The following PHLPP1 variants were observed in gnomAD, a reference collection of about 807,000 sequenced individuals.
PHLPP1 encodes the protein PH domain leucine-rich repeat-containing protein phosphatase 1.
A neutral mutation model predicts 117.2 loss-of-function variants in PHLPP1; 42 were observed. The ratio of observed to expected loss-of-function variants is 0.36; its 90% CI spans 0.28 to 0.46. The LOEUF (loss-of-function observed/expected upper bound fraction) is 0.46, where lower values mean the gene tolerates loss of function less well. PHLPP1 is among the 20% of genes least tolerant of loss of function. The pLI, the probability that PHLPP1 is intolerant of heterozygous loss-of-function variation, is 1.00. For missense variants in PHLPP1, 2,084 were observed against 2,241.9 expected (o/e 0.93, Z 1.42); for synonymous variants, 1,042 against 970.7 (o/e 1.07, Z -1.37).
At chr18:62,770,255 C>T (rs933439643) in intron 1 of PHLPP1, among the ~76,000 whole-genome samples, 3 of 152,140 alleles carry the variant, frequency 2.0e-5, no homozygotes, top group African/African-American at 7.2e-5. Flanking sequence ...GGATTACAGG[C>T]ATGCACCACC....
chr18:62,829,951 G>A, intron 1 of PHLPP1, 84 bp from the exon 2 acceptor site: 3 of 886,004 alleles, frequency 3.4e-6, no homozygotes, highest in Non-Finnish European at 5.0e-6. Context: ...TTCCCTTGTT[G>A]TCCAATTCAT....
chr18:62,952,577 A>G lies in PHLPP1; in HGVS notation c.3325-6052A>G, dbSNP rs185163387. On this transcript the variant is annotated intron_variant, in intron 12 of 16. Transcript: ENST00000262719. ...TAAAGGTCTTTCTTTGCAGCTCCCTATAAGGTGAGGAAGTTTAAACATTAA... is the reference window on the plus strand; with the variant it reads ...TAAAGGTCTTTCTTTGCAGCTCCCTGTAAGGTGAGGAAGTTTAAACATTAA... Among the ~76,000 whole-genome samples, 6 of 152,338 alleles carry G rather than the reference A, an allele frequency of 3.9e-5. No homozygotes were observed. The East Asian group carries it at 5.8e-4, about 15-fold the overall frequency.
At chr18:62,725,299 G>T (rs1387165064) in intron 1 of PHLPP1, among the ~76,000 whole-genome samples, 2 of 150,712 alleles carry the variant, frequency 1.3e-5, no homozygotes, top group Non-Finnish European at 2.9e-5. Flanking sequence ...GGCAGAGGTT[G>T]CAGTGAGCCA....
intron 3 of PHLPP1, among the ~76,000 whole-genome samples, chr18:62,844,953 T>A (rs1915143800): frequency 6.6e-6 from 1 of 152,244 alleles, no homozygotes; most frequent in South Asian, 2.1e-4. Context: ...ATCTGAATAG[T>A]AACATGACTG....
At chr18:62,762,804 G>C (rs890263967) in intron 1 of PHLPP1, among the ~76,000 whole-genome samples, 1 of 151,934 alleles carries the variant, frequency 6.6e-6, no homozygotes, top group South Asian at 2.1e-4. Flanking sequence ...TTGCGACCTT[G>C]GTTTTTATGA....
intron 10 of PHLPP1, among the ~76,000 whole-genome samples, chr18:62,920,972 C>T (rs958420059): frequency 2.6e-5 from 4 of 152,286 alleles, no homozygotes; most frequent in Admixed American, 2.0e-4. Flanking sequence ...GTATCATACA[C>T]TAAGCATTTG....
intron 1 of PHLPP1, among the ~76,000 whole-genome samples, chr18:62,750,897 A>T (rs1448860812): frequency 6.6e-6 from 1 of 152,212 alleles, no homozygotes; most frequent in Non-Finnish European, 1.5e-5. Context: ...ATTCAAGTAC[A>T]ATAGAGAGTG....
intron 2 of PHLPP1, among the ~76,000 whole-genome samples, chr18:62,834,379 G>A (rs1914834451): frequency 6.6e-6 from 1 of 152,030 alleles, no homozygotes; most frequent in South Asian, 2.1e-4. Flanking sequence ...TTTGCTGCAG[G>A]GGACACTCTT....
intron 1 of PHLPP1, among the ~76,000 whole-genome samples, chr18:62,728,355 T>C (rs1047953322): frequency 1.3e-5 from 2 of 152,186 alleles, no homozygotes; most frequent in African/African-American, 4.8e-5. Flanking sequence ...GTTTTCTGAA[T>C]TTGAGCTCTT....
Position 62,715,998 on chromosome 18 carries a change from G to C in PHLPP1, c.315G>C (p.Gly105=), listed in dbSNP as rs576395177. Residue 105 remains glycine (G), a synonymous_variant, in exon 1 of 17, where the codon GGG becomes GGC. Coordinates refer to ENST00000262719, the MANE Select transcript of PHLPP1 (RefSeq NM_194449.4). The part of the protein sequence containing the change: ...RRGAPQPIAG[G]AAPVPGAGGG... ...GGGCGCCCCAGCCCATTGCCGGCGG[G>C]GCTGCCCCCGTACCCGGGGCCGGCG... The C allele has an allele frequency of 7.3e-7, 1 of 1,364,280 alleles. No homozygotes were observed. The allele number at this position is 1,364,280 out of a possible 1,614,324, so 84.5% of individuals were successfully genotyped here.
intron 4 of PHLPP1, among the ~76,000 whole-genome samples, chr18:62,883,264 TGAACAGA>T (rs1568149298): frequency 6.6e-6 from 1 of 152,170 alleles, no homozygotes; most frequent in Admixed American, 6.5e-5. Context: ...AAAGTCACCA[TGAACAGA>T]GTGGGAAACA....
At chr18:62,936,515 A>G (rs1909972015) in intron 10 of PHLPP1, among the ~76,000 whole-genome samples, 1 of 152,250 alleles carries the variant, frequency 6.6e-6, no homozygotes, top group Admixed American at 6.5e-5. Context: ...TTATTTAATT[A>G]CAAAAGAAAA....
intron 14 of PHLPP1, among the ~76,000 whole-genome samples, chr18:62,968,642 ATTC>A (rs1910970176): frequency 6.8e-6 from 1 of 147,896 alleles, no homozygotes; most frequent in Admixed American, 6.9e-5. Context: ...GGTTCACGCA[ATTC>A]TTCTGCCTCA....
chr18:62,809,700 CAA>C (rs78550251), intron 1 of PHLPP1, among the ~76,000 whole-genome samples: 1 of 138,660 alleles, frequency 7.2e-6, no homozygotes. Context: ...GACTCCATCT[CAA>C]AAAAAAAAAA....
chr18:62,887,280 GT>G (rs1433819348), intron 4 of PHLPP1, among the ~76,000 whole-genome samples: 1 of 151,842 alleles, frequency 6.6e-6, no homozygotes, highest in South Asian at 2.1e-4. Flanking sequence ...CTCTGGGCCT[GT>G]TTTTTTTATC....
chr18:62,776,784 AT>A (rs1447363431), intron 1 of PHLPP1, among the ~76,000 whole-genome samples: 1 of 151,752 alleles, frequency 6.6e-6, no homozygotes, highest in African/African-American at 2.4e-5. Flanking sequence ...TAATTTTTGT[AT>A]TTTTAGTAGA....
Position 62,756,188 on chromosome 18 carries a change from C to T in PHLPP1, c.1576+38929C>T, listed in dbSNP as rs1038503065. On this transcript the variant is annotated intron_variant, in intron 1 of 16. Coordinates refer to ENST00000262719, the MANE Select transcript of PHLPP1 (RefSeq NM_194449.4). ...TCATCATGGAGGGAGAGGGAAGCTT[C>T]GTGTATACATCATTATCCACTCAGG... is the stretch of plus-strand genomic sequence containing the variant. Among the ~76,000 whole-genome samples, 12 of 152,166 alleles carry T rather than the reference C, an allele frequency of 7.9e-5. No homozygotes were observed. In the East Asian group the frequency reaches 1.9e-3, roughly 25 times the overall value.
At chr18:62,731,732 G>T (rs977956485) in intron 1 of PHLPP1, among the ~76,000 whole-genome samples, 1 of 152,248 alleles carries the variant, frequency 6.6e-6, no homozygotes, top group Non-Finnish European at 1.5e-5. Context: ...AAATGCAAAA[G>T]AGGTTATTGA....
chr18:62,839,580 A>C (rs1914999599), intron 3 of PHLPP1: 2 of 151,708 alleles, frequency 1.3e-5, no homozygotes, highest in African/African-American at 4.8e-5. Context: ...TTAGCCAGGC[A>C]TGATGGTACG....
Sources: gnomAD v4.1 joint callset for allele counts (sites outside exome capture counted in the v4.1 genomes callset) on GRCh38, gnomAD v4.1.1 for gene constraint, MANE v1.5 for transcripts, NCBI Gene and HGNC (gene_info 2026-07-23, HGNC 2026-07-21) for gene names.